The following C6orf89 variants were observed in gnomAD, a reference collection of about 807,000 sequenced individuals.
C6orf89 encodes the protein bombesin receptor-activated protein C6orf89.
A neutral mutation model predicts 40.7 loss-of-function variants in C6orf89; 29 were observed. That is an observed-to-expected ratio of 0.71 (90% confidence interval 0.53 to 0.97). The LOEUF is 0.97. Among genes scored for constraint, C6orf89 ranks in the 50% least tolerant of loss-of-function variants. C6orf89 has a pLI of 0.00. For missense variants in C6orf89, 392 were observed against 429.1 expected (o/e 0.91, Z 0.76); for synonymous variants, 165 against 152.2 (o/e 1.08, Z -0.62).
At chr6:36,874,862 C>T in intron 1 of C6orf89, 1 of 1,427,452 alleles carries the variant, frequency 7.0e-7, no homozygotes, top group Non-Finnish European at 9.7e-7. Flanking sequence ...ACTTCCGGTC[C>T]GTTCAACCCT....
At chr6:36,891,120 A>G (rs775690891) in intron 1 of C6orf89, among the ~76,000 whole-genome samples, 36 of 152,118 alleles carry the variant, frequency 2.4e-4, no homozygotes, top group Non-Finnish European at 3.8e-4. Context: ...CATTAGGTAT[A>G]TCTCCTAATG....
In C6orf89 at chr6:36,894,647, G is replaced by A. The variant is rs951890071; in HGVS notation, c.-20+44G>A. On this transcript the variant is annotated intron_variant, in intron 2 of 8. Coordinates refer to ENST00000480824, the MANE Select transcript of C6orf89 (RefSeq NM_001286635.2). ...AACAACCCTGAAGTCAGGACACTTG[G>A]GTTCACATCCTGGCAAGTTATGAAA... 27 of 753,406 alleles carry A rather than the reference G, an allele frequency of 3.6e-5. No individual in the cohort carries two copies. In the African/African-American group the frequency reaches 4.9e-4, roughly 14 times the overall value. The allele number at this position is 753,406 out of a possible 1,614,324, so 46.7% of individuals were successfully genotyped here.
chr6:36,910,054 A>G (rs1762070774), intron 4 of C6orf89, among the ~76,000 whole-genome samples: 1 of 152,086 alleles, frequency 6.6e-6, no homozygotes, highest in Admixed American at 6.5e-5. Flanking sequence ...AAAGTCTCAC[A>G]TTTACAGACA....
intron 2 of C6orf89, among the ~76,000 whole-genome samples, chr6:36,895,457 G>T (rs969929265): frequency 6.6e-6 from 1 of 151,974 alleles, no homozygotes; most frequent in African/African-American, 2.4e-5. Context: ...CCGACTGGGT[G>T]GTCTCAGATA....
At chr6:36,915,942 C>T (rs936318056) in intron 6 of C6orf89, among the ~76,000 whole-genome samples, 8 of 152,206 alleles carry the variant, frequency 5.3e-5, no homozygotes, top group African/African-American at 1.9e-4. Context: ...ATGACTTTTT[C>T]AGGCTTTTTG....
chr6:36,914,697 A>G lies in C6orf89; in HGVS notation c.695+4A>G, dbSNP rs1164871322. On this transcript the variant is annotated splice_donor_region_variant and intron_variant, in intron 6 of 8. Coordinates refer to ENST00000480824, the MANE Select transcript of C6orf89 (RefSeq NM_001286635.2). ...GGTTCCCATTTCCTTATCCATGGTGAGTGTGAAAAGGGCCGGGCACAGTGG... is the reference window on the plus strand; with the variant it reads ...GGTTCCCATTTCCTTATCCATGGTGGGTGTGAAAAGGGCCGGGCACAGTGG... 6.2e-7 allele frequency: 1 copy of G among 1,612,580 alleles called. No individual in the cohort carries two copies. The highest frequency in any genetic ancestry group is 1.3e-5 in the African/African-American group (1 of 74,854).
At chr6:36,879,745 A>C (rs1774753819) in intron 2 of C6orf89, among the ~76,000 whole-genome samples, 2 of 152,196 alleles carry the variant, frequency 1.3e-5, no homozygotes, top group Non-Finnish European at 1.5e-5. Context: ...TGAAACACAA[A>C]AAAAAAACTG....
intron 7 of C6orf89, among the ~76,000 whole-genome samples, chr6:36,917,180 C>G (rs1010912214): frequency 2.6e-5 from 4 of 152,220 alleles, no homozygotes; most frequent in African/African-American, 7.2e-5. Context: ...ACCCTTTACC[C>G]TCTCACCCCC....
At chr6:36,907,724 T>C (rs542653348) in intron 4 of C6orf89, among the ~76,000 whole-genome samples, 1 of 152,326 alleles carries the variant, frequency 6.6e-6, no homozygotes, top group South Asian at 2.1e-4. Flanking sequence ...TAAAGAAGCC[T>C]TAGAAATTAA....
chr6:36,921,602 T>G (rs1010459622), intron 8 of C6orf89, among the ~76,000 whole-genome samples: 2 of 152,216 alleles, frequency 1.3e-5, no homozygotes, highest in African/African-American at 2.4e-5. Flanking sequence ...CATTTAAAGA[T>G]GAGCAGGGCC....
chr6:36,891,551 A>T (rs186791756), intron 1 of C6orf89, among the ~76,000 whole-genome samples: 44 of 152,214 alleles, frequency 2.9e-4, no homozygotes, highest in African/African-American at 1.0e-3. Flanking sequence ...CTAGTTCTAG[A>T]TCCTTGAGGA....
At chr6:36,923,312 A>T in intron 8 of C6orf89, 35 bp from the exon 9 acceptor site, 1 of 1,567,826 alleles carries the variant, frequency 6.4e-7, no homozygotes, top group Non-Finnish European at 8.8e-7. Flanking sequence ...ACCCTCTGAC[A>T]TTTACATGCC....
chr6:36,927,452 C>G lies in C6orf89; in HGVS notation c.*4011C>G, dbSNP rs578012966. On this transcript the variant is annotated 3_prime_UTR_variant, in exon 9 of 9. Coordinates refer to ENST00000480824, the MANE Select transcript of C6orf89 (RefSeq NM_001286635.2). ...GAGAAAGAGAGAGAAAGGCGCATGT[C>G]TGTTTGCACAGAGAGAGGCAATTTT... is the stretch of plus-strand genomic sequence containing the variant. The G allele has an allele frequency of 1.3e-5, 2 of 152,346 alleles. No individual in the cohort carries two copies. Among genetic ancestry groups the G allele is most frequent in the East Asian group, 1.9e-4 (1 of 5,190 alleles). The allele number at this position is 152,346 out of a possible 1,614,324, so 9.4% of individuals were successfully genotyped here.
chr6:36,899,222 C>G lies in C6orf89; in HGVS notation c.-19-204C>G, dbSNP rs140094280. Among the ~76,000 whole-genome samples, 74 of 152,210 alleles carry G rather than the reference C, an allele frequency of 4.9e-4. No homozygotes were observed. In the East Asian group the frequency reaches 0.012, roughly 25 times the overall value. ...AGGTCTGTAAACTGTTCCTGGCCCA[C>G]AGTTAACGAATATTTTAAAACTTGT... On this transcript the variant is annotated intron_variant, in intron 2 of 8. Transcript: ENST00000480824.
At chr6:36,890,817 G>A (rs1761176539) in intron 1 of C6orf89, among the ~76,000 whole-genome samples, 1 of 152,142 alleles carries the variant, frequency 6.6e-6, no homozygotes, top group Admixed American at 6.5e-5. Flanking sequence ...GGGATTACAA[G>A]TGTGAGCCAC....
chr6:36,892,793 A>G (rs1438532004), intron 1 of C6orf89: 2 of 152,124 alleles, frequency 1.3e-5, no homozygotes, highest in Non-Finnish European at 2.9e-5. Context: ...AATCAGGCTA[A>G]CTCTTCAGAA....
At chr6:36,888,071 C>T (rs1163598846) in intron 1 of C6orf89, among the ~76,000 whole-genome samples, 1 of 152,072 alleles carries the variant, frequency 6.6e-6, no homozygotes, top group Non-Finnish European at 1.5e-5. Context: ...ATTTGTCTGG[C>T]TATTGGAACA....
upstream of C6orf89, among the ~76,000 whole-genome samples, chr6:36,880,876 C>T (rs1174582336): frequency 6.6e-6 from 1 of 152,156 alleles, no homozygotes; most frequent in South Asian, 2.1e-4. Context: ...GTCAGAAAGT[C>T]TAAACATGTC....
In C6orf89 at chr6:36,924,223, A is replaced by AT; in HGVS notation, c.*782_*783insT. ...CCCTGCCTTGGCGGGGCCAGAGCCC[A>AT]CTACTGCTGAGGCAGCACTGCTCTC... On this transcript the variant is annotated 3_prime_UTR_variant, in exon 9 of 9. Transcript: ENST00000480824. 6.5e-6 allele frequency: 1 copy of AT among 154,410 alleles called. No homozygotes were observed. Among genetic ancestry groups the AT allele is most frequent in the Admixed American group, 6.3e-5 (1 of 15,766 alleles). The allele number at this position is 154,410 out of a possible 1,614,324, so 9.6% of individuals were successfully genotyped here.
Sources: gnomAD v4.1 joint callset for allele counts (sites outside exome capture counted in the v4.1 genomes callset) on GRCh38, gnomAD v4.1.1 for gene constraint, MANE v1.5 for transcripts, NCBI Gene and HGNC (gene_info 2026-07-23, HGNC 2026-07-21) for gene names.